Variants in MYO5B observed in about 807,000 individuals in gnomAD.
The protein encoded by MYO5B is myosin VB, also known as unconventional myosin-Vb.
In MYO5B, 143 loss-of-function variants were observed where a neutral mutation model predicts 229.3. That is an observed-to-expected ratio of 0.62 (90% confidence interval 0.54 to 0.72). The LOEUF (loss-of-function observed/expected upper bound fraction) is 0.72, where lower values mean the gene tolerates loss of function less well. Ranked by LOEUF, MYO5B falls within the 30% of genes least tolerant of loss-of-function variation. The pLI is 0.00. For synonymous variants in MYO5B, 918 were observed against 885.2 expected (o/e 1.04, Z -0.66); for missense variants, 2,321 against 2,331.0 (o/e 1.00, Z 0.09).
chr18:50,043,655 GTAAATATATAAAATATATTTA>G (rs1181311072), intron 2 of MYO5B, among the ~76,000 whole-genome samples: 2 of 133,412 alleles, frequency 1.5e-5, no homozygotes, highest in South Asian at 2.3e-4. Context: ...TTATAAATAT[GTAAATATATAAAATATATTTA>G]TAAATATATA....
At chr18:49,858,464 G>A (rs201225451) in intron 29 of MYO5B, among the ~76,000 whole-genome samples, 4 of 152,174 alleles carry the variant, frequency 2.6e-5, no homozygotes, top group East Asian at 3.9e-4. Flanking sequence ...TGACTCCTGC[G>A]CCAGGACCCA....
At chr18:50,084,937 G>A (rs1304188974) in intron 1 of MYO5B, among the ~76,000 whole-genome samples, 3 of 152,120 alleles carry the variant, frequency 2.0e-5, no homozygotes, top group African/African-American at 4.8e-5. Context: ...AGACTTACAT[G>A]TTAGACCTAA....
chr18:50,122,958 C>CCA (rs2032094660), intron 1 of MYO5B, among the ~76,000 whole-genome samples: 1 of 152,146 alleles, frequency 6.6e-6, no homozygotes, highest in Non-Finnish European at 1.5e-5. Context: ...TCTAGCAATT[C>CCA]CACTGCATGC....
rs528262959 is a variant in MYO5B at position 49,905,663 on chromosome 18, C to A, written c.2414+756G>T. ...CAAGACTTTGTGGCGATTATTGTCA[C>A]TTCTCTAAGGAAATTCCTTTCTGGA... is the stretch of plus-strand genomic sequence containing the variant. On this transcript the variant is annotated intron_variant, in intron 19 of 39. Coordinates refer to ENST00000285039, the MANE Select transcript of MYO5B (RefSeq NM_001080467.3). Among the ~76,000 whole-genome samples the A allele has an allele frequency of 6.6e-5, 10 of 152,318 alleles. No homozygotes were observed. In the South Asian group the frequency reaches 2.1e-3, roughly 32 times the overall value.
intron 4 of MYO5B, among the ~76,000 whole-genome samples, chr18:50,008,426 G>A (rs1169045014): frequency 3.3e-5 from 5 of 152,280 alleles, no homozygotes; most frequent in South Asian, 2.1e-4. Flanking sequence ...TAGCAGTACC[G>A]GCTGAGCACA....
intron 10 of MYO5B, among the ~76,000 whole-genome samples, chr18:49,969,205 T>C (rs1403472935): frequency 6.6e-6 from 1 of 152,086 alleles, no homozygotes; most frequent in Non-Finnish European, 1.5e-5. Flanking sequence ...ATTCCTGATT[T>C]CTCCCCCTCC....
intron 24 of MYO5B, 98 bp from the exon 25 acceptor site, chr18:49,877,980 T>C (rs1419838418): frequency 1.4e-6 from 2 of 1,456,802 alleles, no homozygotes; most frequent in East Asian, 2.3e-5. Flanking sequence ...TTCTGCCTAA[T>C]TTGTCAACAA....
At chr18:49,963,911 C>T (rs1246399712) in intron 10 of MYO5B, among the ~76,000 whole-genome samples, 3 of 152,148 alleles carry the variant, frequency 2.0e-5, no homozygotes, top group African/African-American at 7.2e-5. Context: ...AGTCAGCCCC[C>T]TCGCAAGCCC....
intron 1 of MYO5B, among the ~76,000 whole-genome samples, chr18:50,082,893 T>G (rs2031251638): frequency 1.3e-5 from 2 of 152,124 alleles, no homozygotes; most frequent in African/African-American, 2.4e-5. Flanking sequence ...GAACCAATTC[T>G]CCAGACATCA....
chr18:49,912,139 C>A lies in MYO5B; in HGVS notation c.2125G>T (p.Val709Leu). ...GCGAGCTCTCTCTTCTTGACCAGCA[C>A]CCGATACCGGTTGAAAAAGTCATGG... The part of the protein sequence containing the change: ...AYHDFFNRYR[V>L]LVKKRELANT... The change falls in exon 18 of 40, where the codon GTG becomes TTG. Residue 709 changes from valine to leucine, a missense_variant. By Grantham distance (32) the Val-to-Leu change is conservative. Transcript: ENST00000285039. 6.2e-7 allele frequency: 1 copy of A among 1,614,052 alleles called. No individual in the cohort carries two copies. The highest frequency in any genetic ancestry group is 1.7e-4 in the Middle Eastern group (1 of 6,032).
intron 1 of MYO5B, among the ~76,000 whole-genome samples, chr18:50,068,810 T>C (rs2030884403): frequency 6.6e-6 from 1 of 152,194 alleles, no homozygotes; most frequent in African/African-American, 2.4e-5. Flanking sequence ...GTTTTCCCAA[T>C]CAGTAGGTTA....
At chr18:49,842,904 C>G (rs925207534) in intron 34 of MYO5B, among the ~76,000 whole-genome samples, 2 of 152,210 alleles carry the variant, frequency 1.3e-5, no homozygotes, top group African/African-American at 2.4e-5. Context: ...GAGGCCCACA[C>G]ACCCTTGGCT....
chr18:50,016,199 C>T (rs920765545), intron 4 of MYO5B, among the ~76,000 whole-genome samples: 3 of 152,174 alleles, frequency 2.0e-5, no homozygotes, highest in African/African-American at 4.8e-5. Flanking sequence ...TTTCATTAAT[C>T]TCATTCTTTT....
Position 50,103,565 on chromosome 18 carries a change from A to G in MYO5B, c.28-48187T>C, listed in dbSNP as rs73448742. On this transcript the variant is annotated intron_variant, in intron 1 of 39. Transcript: ENST00000285039. ...AGGAGTTCAAGAGCAGCTAGGCAACAAAGTGAGGCCCTATATCTAAAACAA... is the reference window on the plus strand; with the variant it reads ...AGGAGTTCAAGAGCAGCTAGGCAACGAAGTGAGGCCCTATATCTAAAACAA... Among the ~76,000 whole-genome samples, 36 of 152,304 alleles carry G rather than the reference A, an allele frequency of 2.4e-4. No homozygotes were observed. The East Asian group carries it at 6.6e-3, about 28-fold the overall frequency.
At chr18:50,000,850 T>C (rs751405907) in intron 5 of MYO5B, among the ~76,000 whole-genome samples, 2 of 152,174 alleles carry the variant, frequency 1.3e-5, no homozygotes, top group Non-Finnish European at 2.9e-5. Context: ...ATATTCTATC[T>C]AGGCTTTCCC....
At chr18:49,968,825 A>G (rs1460444636) in intron 10 of MYO5B, among the ~76,000 whole-genome samples, 2 of 152,194 alleles carry the variant, frequency 1.3e-5, no homozygotes, top group Non-Finnish European at 2.9e-5. Context: ...GTACTGAAAC[A>G]GTTGCTATAG....
At position 49,984,738 on chromosome 18, in the gene MYO5B, C is replaced by T. The variant is rs200142429; in HGVS notation, c.926G>A (p.Arg309Gln). 679 of 1,612,540 alleles carry T rather than the reference C, an allele frequency of 4.2e-4. No homozygotes were observed. The highest frequency in any genetic ancestry group is 5.5e-4 in the Non-Finnish European group (645 of 1,178,652). ...CTTACCGAGGAGTGTGAAGGCTTGT[C>T]GAGTCTTCTCAAAGTCCTCAGCATC... The part of the protein sequence containing the change: ...VDDAEDFEKT[R>Q]QAFTLLGVKE... Residue 309 changes from arginine to glutamine, a missense_variant, in exon 8 of 40, where the codon CGA becomes CAA. Physicochemically the swap from Arg to Gln is conservative, Grantham distance 43. This residue lies in a region of MYO5B where 2,113 missense variants were observed against 2,044.7 expected (regional missense o/e 1.03). Coordinates refer to ENST00000285039, the MANE Select transcript of MYO5B (RefSeq NM_001080467.3).
intron 12 of MYO5B, among the ~76,000 whole-genome samples, chr18:49,955,372 C>T (rs1471016802): frequency 1.3e-5 from 2 of 152,190 alleles, no homozygotes; most frequent in African/African-American, 2.4e-5. Flanking sequence ...GGAAGGTGCT[C>T]CCTCCTCTGT....
At chr18:50,057,936 A>C (rs1411249123) in intron 1 of MYO5B, among the ~76,000 whole-genome samples, 1 of 152,166 alleles carries the variant, frequency 6.6e-6, no homozygotes, top group African/African-American at 2.4e-5. Context: ...GCCTTTGAGA[A>C]TATGTCAGCA....
Sources: allele counts gnomAD v4.1 joint callset (sites outside exome capture counted in the v4.1 genomes callset), GRCh38; gene constraint gnomAD v4.1.1; regional missense constraint gnomAD v4.1.1; transcripts MANE v1.5; gene names NCBI Gene and HGNC (gene_info 2026-07-23, HGNC 2026-07-21).